The following PDIA6 variants were observed in gnomAD, a reference collection of about 807,000 sequenced individuals.
PDIA6 encodes the protein protein disulfide-isomerase A6.
PDIA6 carries 29 observed loss-of-function variants against 58.4 expected under a neutral mutation model. The observed-to-expected ratio is 0.50, with a 90% CI of 0.37 to 0.68. The LOEUF (loss-of-function observed/expected upper bound fraction) is 0.68, where lower values mean the gene tolerates loss of function less well. Among genes scored for constraint, PDIA6 ranks in the 30% least tolerant of loss-of-function variants. PDIA6 has a pLI of 0.00. For missense variants in PDIA6, 480 were observed against 551.0 expected, an observed-to-expected ratio of 0.87 and a Z score of 1.29; for synonymous variants, 192 against 202.6, an observed-to-expected ratio of 0.95 and a Z score of 0.44.
At chr2:10,785,603 G>A (rs1247834944) in intron 11 of PDIA6, among the ~76,000 whole-genome samples, 5 of 152,030 alleles carry the variant, frequency 3.3e-5, no homozygotes, top group Non-Finnish European at 7.4e-5. Flanking sequence ...ACAATCTATG[G>A]CACCAATGGG....
intron 1 of PDIA6, among the ~76,000 whole-genome samples, chr2:10,806,382 AAG>A (rs1332327351): frequency 1.3e-5 from 2 of 151,430 alleles, no homozygotes; most frequent in African/African-American, 4.9e-5. Context: ...AAAAAAAAAA[AAG>A]AGAGAAAATA....
intron 6 of PDIA6, 58 bp downstream of exon 6, chr2:10,791,737 C>T (rs577195964): frequency 6.6e-7 from 1 of 1,506,792 alleles, no homozygotes; most frequent in South Asian, 1.2e-5. Context: ...TCAAAATAAG[C>T]TAATGAATGT....
At chr2:10,805,775 T>C (rs1024341478) in intron 1 of PDIA6, among the ~76,000 whole-genome samples, 16 of 96,494 alleles carry the variant, frequency 1.7e-4, no homozygotes, top group African/African-American at 4.6e-4. Flanking sequence ...ATGGATGAAA[T>C]TGGAAATCAT....
chr2:10,816,965 G>A (rs181624971), upstream of PDIA6, among the ~76,000 whole-genome samples: 1 of 152,282 alleles, frequency 6.6e-6, no homozygotes, highest in East Asian at 1.9e-4. Context: ...TCAAAAGCCA[G>A]AACCCAAGTT....
chr2:10,789,884 T>G lies in PDIA6; in HGVS notation c.705A>C (p.Arg235Ser). The change falls in exon 8 of 13, where the codon AGA becomes AGC. Residue 235 changes from arginine (R) to serine (S), a missense_variant. By Grantham distance (110) the Arg-to-Ser change is moderately radical. Transcript: ENST00000272227. ...NQVLASRYGI[R>S]GFPTIKIFQK... ...GAAATATCTTGATTGTAGGAAATCC[T>G]CTAATCTATTAAAAAAAGGTCAGAG... 2 of 1,612,372 alleles carry G rather than the reference T, an allele frequency of 1.2e-6. No homozygotes were observed. Among genetic ancestry groups the G allele is most frequent in the Non-Finnish European group, 1.7e-6 (2 of 1,178,884 alleles).
chr2:10,830,690 T>C (rs115202974), intron 1 of PDIA6, among the ~76,000 whole-genome samples: 505 of 152,318 alleles, frequency 3.3e-3, no homozygotes, highest in Non-Finnish European at 4.8e-3. Context: ...TTCAAGGAAA[T>C]AGGGAGAATG....
At chr2:10,836,317 C>T (rs1241390832), upstream of PDIA6, among the ~76,000 whole-genome samples, 1 of 152,156 alleles carries the variant, frequency 6.6e-6, no homozygotes, top group Non-Finnish European at 1.5e-5. Context: ...CTGGAGCATC[C>T]TTGTCTAGGA....
upstream of PDIA6, among the ~76,000 whole-genome samples, chr2:10,833,252 G>C (rs887798649): frequency 6.6e-6 from 1 of 152,108 alleles, no homozygotes; most frequent in Admixed American, 6.5e-5. Flanking sequence ...TCCTGCCCTC[G>C]GGCAGGCCCA....
intron 2 of PDIA6, among the ~76,000 whole-genome samples, chr2:10,800,018 A>C (rs1279077583): frequency 6.6e-6 from 1 of 152,208 alleles, no homozygotes; most frequent in East Asian, 1.9e-4. Context: ...TATTTTCACT[A>C]ATCTGTAATC....
chr2:10,822,093 C>G (rs1447705731), intron 1 of PDIA6, among the ~76,000 whole-genome samples: 5 of 151,938 alleles, frequency 3.3e-5, no homozygotes, highest in Non-Finnish European at 7.4e-5. Flanking sequence ...GCATGCACCA[C>G]CATGCCTGGC....
At chr2:10,835,702 T>A (rs1260448190), upstream of PDIA6, among the ~76,000 whole-genome samples, 1 of 152,158 alleles carries the variant, frequency 6.6e-6, no homozygotes, top group African/African-American at 2.4e-5. Context: ...ATGGGGACAG[T>A]GGCTGTGGCC....
chr2:10,819,111 A>G (rs1248582876), intron 2 of PDIA6, among the ~76,000 whole-genome samples: 1 of 148,820 alleles, frequency 6.7e-6, no homozygotes, highest in Non-Finnish European at 1.5e-5. Flanking sequence ...ATGCTGTGGC[A>G]TGTGTCAATT....
chr2:10,787,862 C>T (rs771443159), intron 10 of PDIA6, among the ~76,000 whole-genome samples: 17 of 151,972 alleles, frequency 1.1e-4, no homozygotes, highest in Non-Finnish European at 2.1e-4. Flanking sequence ...GTCAGGAGTT[C>T]GAGACCAGCC....
intron 1 of PDIA6, among the ~76,000 whole-genome samples, chr2:10,828,445 T>C (rs1192550967): frequency 1.3e-5 from 2 of 152,174 alleles, no homozygotes; most frequent in Non-Finnish European, 2.9e-5. Flanking sequence ...GAGCACCCTG[T>C]TCCAGTAGGG....
intron 1 of PDIA6, among the ~76,000 whole-genome samples, chr2:10,831,522 C>T (rs961056336): frequency 2.6e-5 from 4 of 152,162 alleles, no homozygotes; most frequent in African/African-American, 9.7e-5. Context: ...GGCAGGTCAT[C>T]GGTCAGACCT....
chr2:10,795,179 T>G (rs1357359951), intron 4 of PDIA6, among the ~76,000 whole-genome samples: 2 of 152,164 alleles, frequency 1.3e-5, no homozygotes, highest in Non-Finnish European at 2.9e-5. Context: ...GGAAAAAAAC[T>G]TTTCAGCGTT....
At chr2:10,790,698 G>C in intron 7 of PDIA6, 21 bp downstream of exon 7, 1 of 1,515,932 alleles carries the variant, frequency 6.6e-7, no homozygotes, top group South Asian at 1.1e-5. Flanking sequence ...ACAATGAAAT[G>C]AGCCTTATAA....
chr2:10,786,134 C>T (rs887015076), intron 11 of PDIA6, among the ~76,000 whole-genome samples: 1 of 152,078 alleles, frequency 6.6e-6, no homozygotes. Flanking sequence ...ACCCGCCTGG[C>T]CAACCTGGTG....
chr2:10,835,146 G>T (rs999409562), upstream of PDIA6, among the ~76,000 whole-genome samples: 2 of 152,016 alleles, frequency 1.3e-5, no homozygotes, highest in Admixed American at 6.5e-5. Context: ...CAGCACCAGC[G>T]CCTGTGTGTG....
Sources: allele counts gnomAD v4.1 joint callset (sites outside exome capture counted in the v4.1 genomes callset), GRCh38; gene constraint gnomAD v4.1.1; transcripts MANE v1.5; gene names NCBI Gene and HGNC (gene_info 2026-07-23, HGNC 2026-07-21).